IQGAP1: variants seen among roughly 807,000 people sequenced by gnomAD.
The protein encoded by IQGAP1 is IQ motif containing GTPase activating protein 1, also known as ras GTPase-activating-like protein IQGAP1.
In IQGAP1, 66 loss-of-function variants were observed where a neutral mutation model predicts 215.6. The ratio of observed to expected loss-of-function variants is 0.31; its 90% CI spans 0.25 to 0.38. The LOEUF is 0.38. IQGAP1 is among the 10% of genes least tolerant of loss of function. IQGAP1 has a pLI of 1.00. For synonymous variants in IQGAP1, 772 were observed against 728.7 expected (o/e 1.06, Z -0.96); for missense variants, 1,712 against 1,997.1 (o/e 0.86, Z 2.72).
intron 26 of IQGAP1, among the ~76,000 whole-genome samples, chr15:90,480,484 C>T (rs1245546875): frequency 1.3e-5 from 2 of 152,116 alleles, no homozygotes; most frequent in East Asian, 3.8e-4. Flanking sequence ...CTGGTTACTA[C>T]TTTTAAAACT....
chr15:90,473,052 G>A, intron 19 of IQGAP1, 42 bp downstream of exon 19: 1 of 1,581,166 alleles, frequency 6.3e-7, no homozygotes, highest in Non-Finnish European at 8.7e-7. Flanking sequence ...CGGGCATCTA[G>A]AGCAGGGGTA....
intron 7 of IQGAP1, 50 bp from the exon 8 acceptor site, chr15:90,441,456 T>A (rs1419569452): frequency 6.7e-7 from 1 of 1,491,136 alleles, no homozygotes; most frequent in Non-Finnish European, 9.2e-7. Context: ...TCCTGTAATC[T>A]ATATAATCTC....
At chr15:90,448,173 G>A (rs1479970572) in intron 9 of IQGAP1, among the ~76,000 whole-genome samples, 1 of 152,192 alleles carries the variant, frequency 6.6e-6, no homozygotes, top group East Asian at 1.9e-4. Context: ...CAAAGATGTA[G>A]TAAGTGGCCA....
chr15:90,457,233 G>A (rs772942399), intron 15 of IQGAP1, among the ~76,000 whole-genome samples: 4 of 151,808 alleles, frequency 2.6e-5, no homozygotes, highest in Non-Finnish European at 5.9e-5. Flanking sequence ...TATTTAAGTG[G>A]GATCATACCT....
chr15:90,483,471 C>A lies in IQGAP1; in HGVS notation c.3666C>A (p.Arg1222=). Residue 1222 remains arginine (R), a synonymous_variant, in exon 29 of 38, where the codon CGC becomes CGA. Transcript: ENST00000268182. The part of the protein sequence containing the change: ...SAGGQLTTDQ[R]RNLGSIAKML... ...GAGGCCAGCTTACCACAGACCAACG[C>A]CGAAATCTGGGCTCCATTGCAAAAA... The A allele has an allele frequency of 6.2e-7, 1 of 1,614,138 alleles. No homozygotes were observed.
Position 90,441,492 on chromosome 15 carries a change from G to GTTTTT in IQGAP1, c.650-7_650-3dup. The GTTTTT allele has an allele frequency of 3.4e-6, 4 of 1,193,058 alleles. No individual in the cohort carries two copies. Among genetic ancestry groups the GTTTTT allele is most frequent in the Non-Finnish European group, 4.6e-6 (4 of 866,276 alleles). The allele number at this position is 1,193,058 out of a possible 1,614,324, so 73.9% of individuals were successfully genotyped here. A position where few individuals can be genotyped will look rare whatever the true frequency, so the allele number is the denominator to read the frequency against. ...AGTGTTTTTGTTGGTTTGTTTTTTT[G>GTTTTT]TTTTTTTTTTTAGTACATGCTGCTG... On this transcript the variant is annotated splice_polypyrimidine_tract_variant and intron_variant, in intron 7 of 37. Coordinates refer to ENST00000268182, the MANE Select transcript of IQGAP1 (RefSeq NM_003870.4).
chr15:90,408,540 G>T (rs1341552512), intron 2 of IQGAP1, among the ~76,000 whole-genome samples: 1 of 152,156 alleles, frequency 6.6e-6, no homozygotes, highest in Admixed American at 6.5e-5. Context: ...AACGAGAAGA[G>T]ATTATTTCTG....
intron 23 of IQGAP1, among the ~76,000 whole-genome samples, chr15:90,475,266 T>C (rs1468050404): frequency 6.6e-6 from 1 of 152,108 alleles, no homozygotes; most frequent in Non-Finnish European, 1.5e-5. Context: ...CCCAAAGTGC[T>C]GGGATTACAG....
chr15:90,476,218 G>A (rs1965977679), intron 23 of IQGAP1, among the ~76,000 whole-genome samples: 1 of 152,086 alleles, frequency 6.6e-6, no homozygotes, highest in Non-Finnish European at 1.5e-5. Context: ...ACAGGTGTGA[G>A]CCGCTGCACC....
chr15:90,448,269 G>C (rs921282093), intron 9 of IQGAP1, among the ~76,000 whole-genome samples: 1 of 152,150 alleles, frequency 6.6e-6, no homozygotes, highest in Non-Finnish European at 1.5e-5. Context: ...GCGTCATGTT[G>C]GTCTGGATTG....
rs752504967 is a variant in IQGAP1, at chr15:90,491,470, T to C, written c.4386T>C (p.Gly1462=). The part of the protein sequence containing the change: ...LQEKKEKIQT[G]LKKLTELGTV... ...AGAAGAAAGAGAAGATCCAGACAGG[T>C]TTAAAGAAGCTAACAGAGCTTGGAA... The change falls in exon 34 of 38, where the codon GGT becomes GGC. Residue 1462 remains glycine (G), a synonymous_variant. Coordinates refer to ENST00000268182, the MANE Select transcript of IQGAP1 (RefSeq NM_003870.4). 1 of 1,613,860 alleles carries C rather than the reference T, an allele frequency of 6.2e-7. No individual in the cohort carries two copies. Among genetic ancestry groups the C allele is most frequent in the Non-Finnish European group, 8.5e-7 (1 of 1,179,948 alleles).
At chr15:90,436,212 T>G (rs964428499) in intron 5 of IQGAP1, among the ~76,000 whole-genome samples, 6 of 152,118 alleles carry the variant, frequency 3.9e-5, no homozygotes, top group African/African-American at 1.4e-4. Flanking sequence ...GTATACTAAG[T>G]TTGGTGTAAG....
chr15:90,455,021 C>A (rs1965659638), intron 14 of IQGAP1, among the ~76,000 whole-genome samples: 1 of 152,130 alleles, frequency 6.6e-6, no homozygotes, highest in South Asian at 2.1e-4. Flanking sequence ...CAAGAAAATG[C>A]TAGACTTACG....
intron 9 of IQGAP1, among the ~76,000 whole-genome samples, chr15:90,446,890 G>T (rs549066523): frequency 6.6e-6 from 1 of 152,218 alleles, no homozygotes; most frequent in South Asian, 2.1e-4. Context: ...TATTATGTTT[G>T]CAATATAAAT....
chr15:90,428,364 A>G (rs1297705915), intron 3 of IQGAP1, among the ~76,000 whole-genome samples: 1 of 152,148 alleles, frequency 6.6e-6, no homozygotes, highest in Non-Finnish European at 1.5e-5. Context: ...GGCATGAGCC[A>G]CTGTGCCCAG....
Position 90,456,244 on chromosome 15 carries a change from G to A in IQGAP1, c.1705G>A (p.Glu569Lys), listed in dbSNP as rs1965678430. The A allele has an allele frequency of 1.2e-6, 2 of 1,613,996 alleles. No homozygotes were observed. The highest frequency in any genetic ancestry group is 1.1e-5 in the South Asian group (1 of 91,092). The change falls in exon 15 of 38, where the codon GAG becomes AAG. Residue 569 changes from glutamate (E) to lysine (K), a missense_variant. Glu to Lys is a moderately conservative substitution (Grantham distance 56, BLOSUM62 1). Transcript: ENST00000268182. The part of the protein sequence containing the change: ...QALQIPAAKL[E>K]GVLAEVAQHY... Reference sequence around the variant, plus strand: ...CCTACAGATTCCTGCAGCTAAACTTGAGGGAGTCCTTGCAGAAGTGGCCCA... The same window carrying A: ...CCTACAGATTCCTGCAGCTAAACTTAAGGGAGTCCTTGCAGAAGTGGCCCA...
intron 2 of IQGAP1, among the ~76,000 whole-genome samples, chr15:90,396,529 G>C (rs979892717): frequency 2.0e-5 from 3 of 152,084 alleles, no homozygotes; most frequent in African/African-American, 7.2e-5. Context: ...GTAATGGCAC[G>C]GTGGCACTAG....
In IQGAP1 at chr15:90,477,622, T is replaced by A. The variant is rs150123942; in HGVS notation, c.3105-43T>A. 833 of 1,367,744 alleles carry A rather than the reference T, an allele frequency of 6.1e-4. 4 individuals are homozygous for A. Among genetic ancestry groups the A allele is most frequent in the East Asian group, 2.6e-3 (112 of 43,494 alleles). 84.7% of individuals were successfully genotyped at this position (1,367,744 alleles called of 1,614,324 possible). A position where few individuals can be genotyped will look rare whatever the true frequency, so the allele number is the denominator to read the frequency against. On this transcript the variant is annotated intron_variant, in intron 25 of 37. Coordinates refer to ENST00000268182, the MANE Select transcript of IQGAP1 (RefSeq NM_003870.4). The stretch of plus-strand genomic sequence containing the variant: ...AAGCAGGAAGGATCTTTTAAGTTGA[T>A]GGGTTTTGTGACAAGTTTAAATTTT...
chr15:90,440,727 C>T, intron 7 of IQGAP1, 112 bp downstream of exon 7: 1 of 671,182 alleles, frequency 1.5e-6, no homozygotes, highest in Admixed American at 2.7e-5. Flanking sequence ...AAGTTTAAGT[C>T]CACAGATGTA....
Sources: gnomAD v4.1 joint callset for allele counts (sites outside exome capture counted in the v4.1 genomes callset) on GRCh38, gnomAD v4.1.1 for gene constraint, MANE v1.5 for transcripts, NCBI Gene and HGNC (gene_info 2026-07-23, HGNC 2026-07-21) for gene names.